SOCS6: variants seen among roughly 807,000 people sequenced by gnomAD.
SOCS6 encodes the protein STAT induced STAT inhibitor-4.
SOCS6 carries 5 observed loss-of-function variants against 27.7 expected under a neutral mutation model. The observed-to-expected ratio is 0.18, with a 90% CI of 0.09 to 0.38. SOCS6 has a LOEUF of 0.38. SOCS6 is among the 10% of genes least tolerant of loss of function. SOCS6 has a pLI of 1.00. For missense variants in SOCS6, 595 were observed against 688.1 expected (o/e 0.86, Z 1.51); for synonymous variants, 271 against 260.0 (o/e 1.04, Z -0.41).
intron 1 of SOCS6, among the ~76,000 whole-genome samples, chr18:70,320,898 G>A (rs1160947357): frequency 6.6e-6 from 1 of 152,048 alleles, no homozygotes; most frequent in African/African-American, 2.4e-5. Flanking sequence ...AATGTCATGT[G>A]GTACCACTTT....
chr18:70,325,599 T>A lies in SOCS6; in HGVS notation c.931T>A (p.Ser311Thr). 2 of 1,614,174 alleles carry A rather than the reference T, an allele frequency of 1.2e-6. No individual in the cohort carries two copies. Among genetic ancestry groups the A allele is most frequent in the Non-Finnish European group, 1.7e-6 (2 of 1,180,004 alleles). ...GGGTCACGATGATGTCCCTCCACTC[T>A]CACCATTGCTACCTCCAATGCAGAA... ...RAGHDDVPPL[S>T]PLLPPMQNNQ... Residue 311 changes from serine (S) to threonine (T), a missense_variant, in exon 2 of 2, where the codon TCA becomes ACA. Physicochemically the swap from Ser to Thr is moderately conservative, Grantham distance 58. Around this residue, in one of 2 missense-constraint regions of SOCS6, gnomAD observed 467 missense variants for 481.1 expected, o/e 0.97. Coordinates refer to ENST00000397942, the MANE Select transcript of SOCS6 (RefSeq NM_004232.4). This position sits in a 1 kb window ranked among gnomAD's most constrained non-coding sequence, Gnocchi z 6.3.
At chr18:70,305,401 G>A (rs1003502417) in intron 1 of SOCS6, among the ~76,000 whole-genome samples, 11 of 152,138 alleles carry the variant, frequency 7.2e-5, no homozygotes, top group Non-Finnish European at 1.3e-4. Context: ...AAAATCAGTC[G>A]ACTATAAATG....
chr18:70,327,430 T>C lies in SOCS6; in HGVS notation c.*1154T>C, dbSNP rs1323537466. 1 of 166,728 alleles carries C rather than the reference T, an allele frequency of 6.0e-6. No homozygotes were observed. The highest frequency in any genetic ancestry group is 6.5e-5 in the Admixed American group (1 of 15,272). 10.3% of individuals were successfully genotyped at this position (166,728 alleles called of 1,614,324 possible). A position where few individuals can be genotyped will look rare whatever the true frequency, so the allele number is the denominator to read the frequency against. On this transcript the variant is annotated 3_prime_UTR_variant, in exon 2 of 2. Transcript: ENST00000397942. ...CGTGATGACTTTAGTTTAAAAATTGTGGAAATTGTGGAGCAATTTTTCTCA... is the reference window on the plus strand; with the variant it reads ...CGTGATGACTTTAGTTTAAAAATTGCGGAAATTGTGGAGCAATTTTTCTCA...
Position 70,327,262 on chromosome 18 carries a change from C to T in SOCS6, c.*986C>T, listed in dbSNP as rs889097634. On this transcript the variant is annotated 3_prime_UTR_variant, in exon 2 of 2. Transcript: ENST00000397942. ...ATAAATGGACTGGATTCTCTTGCAA[C>T]ATTAATGTTTATAAAAAGTTTTAAA... 6.0e-6 allele frequency: 1 copy of T among 166,816 alleles called. No individual in the cohort carries two copies. The highest frequency in any genetic ancestry group is 2.4e-5 in the African/African-American group (1 of 41,430). The allele number at this position is 166,816 out of a possible 1,614,324, so 10.3% of individuals were successfully genotyped here. A position where few individuals can be genotyped will look rare whatever the true frequency, so the allele number is the denominator to read the frequency against.
intron 1 of SOCS6, among the ~76,000 whole-genome samples, chr18:70,304,251 C>A (rs1364213640): frequency 6.6e-6 from 1 of 151,922 alleles, no homozygotes; most frequent in African/African-American, 2.4e-5. Flanking sequence ...AAAGAAAAGA[C>A]ACAGGATGAT....
At chr18:70,294,163 G>A (rs1194960907) in intron 1 of SOCS6, among the ~76,000 whole-genome samples, 1 of 151,554 alleles carries the variant, frequency 6.6e-6, no homozygotes, top group Non-Finnish European at 1.5e-5. Flanking sequence ...AATATAACAA[G>A]TGCTAATACT....
intron 1 of SOCS6, among the ~76,000 whole-genome samples, chr18:70,321,391 G>A (rs1174718642): frequency 2.3e-5 from 3 of 128,508 alleles, no homozygotes; most frequent in African/African-American, 8.7e-5. Flanking sequence ...CGCAATCTTG[G>A]CTCACTGCAA....
intron 1 of SOCS6, among the ~76,000 whole-genome samples, chr18:70,293,983 C>T (rs151268767): frequency 0.01 from 1,588 of 151,564 alleles, 20 homozygotes; most frequent in African/African-American, 0.036. Flanking sequence ...CCCAGCTACT[C>T]GGGAGGCTGA....
chr18:70,291,062 G>C (rs2062297226), intron 1 of SOCS6, among the ~76,000 whole-genome samples: 1 of 151,624 alleles, frequency 6.6e-6, no homozygotes, highest in African/African-American at 2.4e-5. Context: ...TCTTGCATTA[G>C]AACTGGAAAA....
At chr18:70,309,135 A>G (rs2062380395) in intron 1 of SOCS6, among the ~76,000 whole-genome samples, 1 of 152,272 alleles carries the variant, frequency 6.6e-6, no homozygotes, top group Admixed American at 6.5e-5. Context: ...AAGCAGCCAT[A>G]AAAGATATGT....
Position 70,329,546 on chromosome 18 carries a change from T to C in SOCS6, c.*3270T>C, listed in dbSNP as rs1911338475. 6.0e-6 allele frequency: 1 copy of C among 167,120 alleles called. No homozygotes were observed. Among genetic ancestry groups the C allele is most frequent in the Non-Finnish European group, 1.5e-5 (1 of 68,124 alleles). 10.4% of individuals were successfully genotyped at this position (167,120 alleles called of 1,614,324 possible). Reference sequence around the variant, plus strand: ...TCACATTGTATATGAGAGATACTGCTTTATGAATGAATCGGAATAATACAT... The same window carrying C: ...TCACATTGTATATGAGAGATACTGCCTTATGAATGAATCGGAATAATACAT... On this transcript the variant is annotated 3_prime_UTR_variant, in exon 2 of 2. Coordinates refer to ENST00000397942, the MANE Select transcript of SOCS6 (RefSeq NM_004232.4).
At chr18:70,298,193 A>T (rs935778953) in intron 1 of SOCS6, among the ~76,000 whole-genome samples, 2 of 152,280 alleles carry the variant, frequency 1.3e-5, no homozygotes, top group African/African-American at 2.4e-5. Flanking sequence ...CTATTAAAAC[A>T]CTTTGCTACA....
At chr18:70,317,301 T>C (rs1404101297) in intron 1 of SOCS6, among the ~76,000 whole-genome samples, 1 of 152,054 alleles carries the variant, frequency 6.6e-6, no homozygotes, top group Non-Finnish European at 1.5e-5. Flanking sequence ...GAACATACGA[T>C]GTTTGATTTT....
rs1418531853 is a variant in SOCS6, at chr18:70,319,558, G to C, written c.-126-4985G>C. 3.6e-5 allele frequency among the ~76,000 whole-genome samples: 5 copies of C among 138,590 alleles called. No homozygotes were observed. In the Admixed American group the frequency reaches 3.8e-4, roughly 11 times the overall value. The allele number at this position is 138,590 out of a possible 152,430, so 90.9% of individuals were successfully genotyped here. ...AAGGCAGCGGCACCAAACTGTAATAGTAAATGTAGTAATAGTCGTATGTTC... is the reference window on the plus strand; with the variant it reads ...AAGGCAGCGGCACCAAACTGTAATACTAAATGTAGTAATAGTCGTATGTTC... On this transcript the variant is annotated intron_variant, in intron 1 of 1. Coordinates refer to ENST00000397942, the MANE Select transcript of SOCS6 (RefSeq NM_004232.4).
At chr18:70,302,137 A>G (rs1449422867) in intron 1 of SOCS6, among the ~76,000 whole-genome samples, 1 of 152,114 alleles carries the variant, frequency 6.6e-6, no homozygotes, top group Non-Finnish European at 1.5e-5. Flanking sequence ...GGAGTGGGGA[A>G]ATTGTTGGGA....
At chr18:70,322,262 A>G (rs959086185) in intron 1 of SOCS6, among the ~76,000 whole-genome samples, 11 of 152,228 alleles carry the variant, frequency 7.2e-5, no homozygotes, top group African/African-American at 2.2e-4. Context: ...GGATGTGCAA[A>G]CAGAAAAACA....
At chr18:70,296,152 CAT>C (rs2062321818) in intron 1 of SOCS6, among the ~76,000 whole-genome samples, 1 of 152,166 alleles carries the variant, frequency 6.6e-6, no homozygotes. Flanking sequence ...AGCTCATCCT[CAT>C]AGTGACTTCC....
chr18:70,325,513 A>G lies in SOCS6; in HGVS notation c.845A>G (p.Asp282Gly), dbSNP rs1311707526. 1.1e-5 allele frequency: 17 copies of G among 1,614,104 alleles called. No individual in the cohort carries two copies. The highest frequency in any genetic ancestry group is 1.3e-5 in the Non-Finnish European group (15 of 1,180,026). ...DLVVAPEIFV[D>G]QSVNGLLIGT... The stretch of plus-strand genomic sequence containing the variant: ...GTTGTCGCCCCAGAGATCTTCGTGG[A>G]TCAGTCCGTGAATGGCTTGTTGATT... Residue 282 changes from aspartate (D) to glycine (G), a missense_variant, in exon 2 of 2, where the codon GAT (aspartate) becomes GGT (glycine). Transcript: ENST00000397942. The surrounding 1 kb of genome is among the most constrained non-coding windows in gnomAD (Gnocchi z 6.3).
At chr18:70,299,110 G>T (rs1026134402) in intron 1 of SOCS6, among the ~76,000 whole-genome samples, 1 of 152,006 alleles carries the variant, frequency 6.6e-6, no homozygotes, top group African/African-American at 2.4e-5. Context: ...CAACAAGAGC[G>T]ACCCTCCGTC....
Sources: allele counts gnomAD v4.1 joint callset (sites outside exome capture counted in the v4.1 genomes callset), GRCh38; gene constraint gnomAD v4.1.1; regional missense constraint gnomAD v4.1.1; non-coding constraint Gnocchi (gnomAD v3.1); transcripts MANE v1.5; gene names NCBI Gene and HGNC (gene_info 2026-07-23, HGNC 2026-07-21).